The following BBS9 variants were observed in gnomAD, a reference collection of about 807,000 sequenced individuals.
BBS9 encodes protein PTHB1.
In BBS9, 89 loss-of-function variants were observed where a neutral mutation model predicts 117.7. The ratio of observed to expected loss-of-function variants is 0.76; its 90% CI spans 0.64 to 0.90. The LOEUF (loss-of-function observed/expected upper bound fraction) is 0.90. Ranked by LOEUF, BBS9 falls within the 40% of genes least tolerant of loss-of-function variation. BBS9 has a pLI of 0.00. For missense variants in BBS9, 982 were observed against 1,042.2 expected, an observed-to-expected ratio of 0.94 and a Z score of 0.80; for synonymous variants, 379 against 370.9, an observed-to-expected ratio of 1.02 and a Z score of -0.25.
At chr7:33,193,788 T>A (rs1202934029) in intron 5 of BBS9, among the ~76,000 whole-genome samples, 1 of 152,218 alleles carries the variant, frequency 6.6e-6, no homozygotes, top group Non-Finnish European at 1.5e-5. Context: ...ACCTGGTTGG[T>A]CTGTAACCTG....
chr7:33,196,220 C>T (rs1028894861), intron 5 of BBS9, among the ~76,000 whole-genome samples: 1 of 152,000 alleles, frequency 6.6e-6, no homozygotes, highest in Admixed American at 6.5e-5. Context: ...AAAAAGCATC[C>T]TTCCCACTCT....
intron 9 of BBS9, among the ~76,000 whole-genome samples, chr7:33,321,799 T>C (rs1005286943): frequency 2.0e-5 from 3 of 152,106 alleles, no homozygotes; most frequent in African/African-American, 7.2e-5. Flanking sequence ...ATGTTCCAGA[T>C]CTTAGAGGAA....
intron 18 of BBS9, among the ~76,000 whole-genome samples, chr7:33,384,319 C>G (rs183480492): frequency 8.7e-4 from 133 of 152,312 alleles, no homozygotes; most frequent in Middle Eastern, 3.4e-3. Context: ...TTACTAAATG[C>G]TGAATGATTA....
intron 16 of BBS9, among the ~76,000 whole-genome samples, chr7:33,364,991 A>G (rs1821396898): frequency 6.6e-6 from 1 of 151,650 alleles, no homozygotes; most frequent in Non-Finnish European, 1.5e-5. Context: ...GGCCTCCCAG[A>G]GTGCTAGACT....
At chr7:33,292,526 C>G (rs1584138554) in intron 9 of BBS9, among the ~76,000 whole-genome samples, 1 of 152,224 alleles carries the variant, frequency 6.6e-6, no homozygotes, top group Non-Finnish European at 1.5e-5. Flanking sequence ...CGCACACCAT[C>G]TATTTGTGGA....
At chr7:33,465,004 GT>G (rs1839961117) in intron 19 of BBS9, among the ~76,000 whole-genome samples, 1 of 151,740 alleles carries the variant, frequency 6.6e-6, no homozygotes, top group South Asian at 2.1e-4. Context: ...ACTATTTACT[GT>G]TTTTTCTGCC....
intron 21 of BBS9, among the ~76,000 whole-genome samples, chr7:33,632,612 G>T (rs1273238899): frequency 2.6e-5 from 4 of 152,068 alleles, no homozygotes; most frequent in Non-Finnish European, 4.4e-5. Flanking sequence ...GACCCATTCG[G>T]GCTTCGGTGT....
At chr7:33,451,543 C>T (rs536669718) in intron 19 of BBS9, among the ~76,000 whole-genome samples, 5 of 152,244 alleles carry the variant, frequency 3.3e-5, no homozygotes, top group African/African-American at 9.6e-5. Context: ...TGTTCTGTCC[C>T]ATTGGTCTAC....
intron 11 of BBS9, 75 bp downstream of exon 11, chr7:33,341,048 G>A (rs1354445980): frequency 7.5e-7 from 1 of 1,326,094 alleles, no homozygotes; most frequent in East Asian, 2.3e-5. Flanking sequence ...AAATGCATTG[G>A]TTTAAAGTTT....
intron 19 of BBS9, among the ~76,000 whole-genome samples, chr7:33,397,267 G>T (rs950853304): frequency 1.3e-5 from 2 of 152,154 alleles, no homozygotes; most frequent in African/African-American, 4.8e-5. Flanking sequence ...ACTACAATGA[G>T]ATACCATCTC....
intron 19 of BBS9, among the ~76,000 whole-genome samples, chr7:33,473,917 A>G (rs1027513091): frequency 1.3e-5 from 2 of 152,198 alleles, no homozygotes; most frequent in African/African-American, 4.8e-5. Context: ...TGCCAGGTTC[A>G]TTTTATATTA....
rs371134668 is a variant in BBS9, at chr7:33,594,541, AT to A, written c.2522-10317del. 7.2e-5 allele frequency among the ~76,000 whole-genome samples: 11 copies of A among 152,106 alleles called. No homozygotes were observed. The South Asian group carries it at 2.3e-3, about 32-fold the overall frequency. On this transcript the variant is annotated intron_variant, in intron 21 of 22. Coordinates refer to ENST00000242067, the MANE Select transcript of BBS9 (RefSeq NM_198428.3). ...GAAACCTAAGACTATATAGAAAGGCATTTTTTTCTGCTGCTTTGCTGAGTTT... is the reference window on the plus strand; with the variant it reads ...GAAACCTAAGACTATATAGAAAGGCATTTTTTCTGCTGCTTTGCTGAGTTT...
chr7:33,553,248 T>C (rs1854741098), intron 21 of BBS9, among the ~76,000 whole-genome samples: 1 of 152,228 alleles, frequency 6.6e-6, no homozygotes, highest in South Asian at 2.1e-4. Flanking sequence ...ATCTTCATTG[T>C]GGGCTATTTA....
intron 9 of BBS9, among the ~76,000 whole-genome samples, chr7:33,332,354 C>G (rs1814264186): frequency 6.6e-6 from 1 of 152,020 alleles, no homozygotes; most frequent in Non-Finnish European, 1.5e-5. Context: ...CAAAAGCCAC[C>G]TGTACCCCAA....
intron 21 of BBS9, among the ~76,000 whole-genome samples, chr7:33,616,486 T>C (rs1388362108): frequency 7.1e-6 from 1 of 141,072 alleles, no homozygotes; most frequent in South Asian, 2.2e-4. Flanking sequence ...TATATGTGTG[T>C]GTGTGTGTAT....
intron 6 of BBS9, among the ~76,000 whole-genome samples, chr7:33,261,683 T>G (rs1268373021): frequency 1.3e-5 from 2 of 152,244 alleles, no homozygotes; most frequent in African/African-American, 4.8e-5. Flanking sequence ...TACCTGCTAC[T>G]GTTTTTACAA....
intron 19 of BBS9, among the ~76,000 whole-genome samples, chr7:33,469,083 G>C (rs923967476): frequency 6.6e-6 from 1 of 152,072 alleles, no homozygotes; most frequent in Non-Finnish European, 1.5e-5. Context: ...TTTTACAGTA[G>C]AGTAGATTGA....
At chr7:33,207,102 A>C (rs750852876) in intron 5 of BBS9, among the ~76,000 whole-genome samples, 3 of 152,144 alleles carry the variant, frequency 2.0e-5, no homozygotes, top group Non-Finnish European at 4.4e-5. Context: ...CTCATTAATG[A>C]TTAATTTTGA....
At chr7:33,420,085 A>G (rs993123165) in intron 19 of BBS9, among the ~76,000 whole-genome samples, 4 of 152,170 alleles carry the variant, frequency 2.6e-5, no homozygotes, top group African/African-American at 9.6e-5. Flanking sequence ...GTTATTAATA[A>G]CTGAGATGGG....
Sources: gnomAD v4.1 joint callset for allele counts (sites outside exome capture counted in the v4.1 genomes callset) on GRCh38, gnomAD v4.1.1 for gene constraint, MANE v1.5 for transcripts, NCBI Gene and HGNC (gene_info 2026-07-23, HGNC 2026-07-21) for gene names.